The following AGBL4 variants were observed in gnomAD, a reference collection of about 807,000 sequenced individuals.
AGBL4 encodes the protein AGBL carboxypeptidase 4.
Under a neutral mutation model 66.4 loss-of-function variants are expected in AGBL4, and 58 were observed. The ratio of observed to expected loss-of-function variants is 0.87; its 90% CI spans 0.71 to 1.09. The LOEUF is 1.09. Ranked by LOEUF, AGBL4 falls within the 50% of genes least tolerant of loss-of-function variation. The pLI, the probability that AGBL4 is intolerant of heterozygous loss-of-function variation, is 0.00. For missense variants in AGBL4, 579 were observed against 631.0 expected, an observed-to-expected ratio of 0.92 and a Z score of 0.88; for synonymous variants, 234 against 222.9, an observed-to-expected ratio of 1.05 and a Z score of -0.44.
chr1:49,111,262 G>T (rs1004395755), intron 4 of AGBL4, among the ~76,000 whole-genome samples: 2 of 152,042 alleles, frequency 1.3e-5, no homozygotes, highest in Non-Finnish European at 2.9e-5. Flanking sequence ...ACAGGCGCCT[G>T]CCACCACGCC....
intron 3 of AGBL4, among the ~76,000 whole-genome samples, chr1:49,632,763 T>C (rs537557739): frequency 6.6e-6 from 1 of 152,254 alleles, no homozygotes; most frequent in South Asian, 2.1e-4. Flanking sequence ...ACATCCTCTA[T>C]GGGTGAGCAA....
intron 3 of AGBL4, among the ~76,000 whole-genome samples, chr1:49,643,502 C>CA (rs150301050): frequency 0.039 from 5,877 of 150,264 alleles, 205 homozygotes; most frequent in African/African-American, 0.097. Flanking sequence ...ATTCCAACCA[C>CA]AAAAAAAACA....
chr1:48,875,274 T>G (rs571180187), intron 5 of AGBL4, among the ~76,000 whole-genome samples: 1 of 152,170 alleles, frequency 6.6e-6, no homozygotes, highest in Non-Finnish European at 1.5e-5. Context: ...CTGACTGATA[T>G]CTGGATGCCA....
At chr1:48,863,005 A>G (rs936198788) in intron 6 of AGBL4, among the ~76,000 whole-genome samples, 1 of 152,196 alleles carries the variant, frequency 6.6e-6, no homozygotes, top group Non-Finnish European at 1.5e-5. Context: ...TTGATATACA[A>G]TAAACAAAAG....
At chr1:49,534,249 T>G (rs1366780615) in intron 3 of AGBL4, among the ~76,000 whole-genome samples, 1 of 145,196 alleles carries the variant, frequency 6.9e-6, no homozygotes, top group Non-Finnish European at 1.5e-5. Flanking sequence ...TGCCACAATA[T>G]GGCTAAAATA....
chr1:49,369,117 A>G (rs893158949), intron 3 of AGBL4, among the ~76,000 whole-genome samples: 5 of 152,132 alleles, frequency 3.3e-5, no homozygotes, highest in African/African-American at 1.2e-4. Flanking sequence ...TGAGGTTAAG[A>G]GATGATAAGT....
At chr1:48,759,470 T>TA in intron 6 of AGBL4, 1 of 1,180,648 alleles carries the variant, frequency 8.5e-7, no homozygotes, top group Non-Finnish European at 1.1e-6. Flanking sequence ...ATAAATTTTA[T>TA]AAATGGGGTT....
intron 1 of AGBL4, among the ~76,000 whole-genome samples, chr1:49,931,872 T>C (rs556943250): frequency 6.6e-6 from 1 of 152,296 alleles, no homozygotes; most frequent in African/African-American, 2.4e-5. Context: ...AGATATATTA[T>C]GAATTCACAG....
At chr1:48,677,247 T>A (rs568515418) in intron 6 of AGBL4, among the ~76,000 whole-genome samples, 5 of 152,188 alleles carry the variant, frequency 3.3e-5, no homozygotes, top group African/African-American at 2.4e-5. Flanking sequence ...ACCAATATAA[T>A]AGACGTGCAG....
intron 6 of AGBL4, among the ~76,000 whole-genome samples, chr1:48,672,292 C>T (rs1646288783): frequency 6.6e-6 from 1 of 152,182 alleles, no homozygotes; most frequent in African/African-American, 2.4e-5. Context: ...GGAATGAATC[C>T]TTCTTTTAGT....
intron 3 of AGBL4, among the ~76,000 whole-genome samples, chr1:49,599,031 T>C (rs896125795): frequency 6.6e-6 from 1 of 152,186 alleles, no homozygotes; most frequent in Admixed American, 6.5e-5. Context: ...TTTCGCATCA[T>C]TGTTGATCAG....
chr1:49,546,809 T>G (rs996956647), intron 3 of AGBL4, among the ~76,000 whole-genome samples: 1 of 152,212 alleles, frequency 6.6e-6, no homozygotes, highest in African/African-American at 2.4e-5. Flanking sequence ...ATATCTTTTT[T>G]TGAGAACTGT....
chr1:49,880,847 G>A (rs937130867), intron 1 of AGBL4, among the ~76,000 whole-genome samples: 5 of 152,038 alleles, frequency 3.3e-5, no homozygotes, highest in Non-Finnish European at 7.4e-5. Flanking sequence ...GCCAGGTGTG[G>A]GATATAGTCT....
Position 49,616,915 on chromosome 1 carries a change from C to T in AGBL4, c.282+80398G>A, listed in dbSNP as rs568684074. 6.6e-5 allele frequency among the ~76,000 whole-genome samples: 10 copies of T among 152,294 alleles called. No homozygotes were observed. The South Asian group carries it at 1.9e-3, about 28-fold the overall frequency. On this transcript the variant is annotated intron_variant, in intron 3 of 13. Transcript: ENST00000371839. ...CACTGGTACTATCCGGTTCAAACCA[C>T]CATAATCTCTTGTCAGGATTATTTC...
intron 3 of AGBL4, among the ~76,000 whole-genome samples, chr1:49,290,528 A>G (rs1309844452): frequency 6.6e-6 from 1 of 152,232 alleles, no homozygotes; most frequent in Non-Finnish European, 1.5e-5. Flanking sequence ...GCAAAATGGC[A>G]TGGTTTATAA....
At chr1:49,139,725 T>G (rs748552143) in intron 4 of AGBL4, among the ~76,000 whole-genome samples, 1 of 152,172 alleles carries the variant, frequency 6.6e-6, no homozygotes, top group Non-Finnish European at 1.5e-5. Context: ...TCCTATCCCA[T>G]AGGATTATTA....
At chr1:49,278,752 G>A (rs1230449400) in intron 3 of AGBL4, among the ~76,000 whole-genome samples, 2 of 151,932 alleles carry the variant, frequency 1.3e-5, no homozygotes, top group Non-Finnish European at 2.9e-5. Flanking sequence ...CAGATGGACT[G>A]AAGAAGGAAT....
chr1:49,152,124 T>C (rs1285162015), intron 4 of AGBL4, among the ~76,000 whole-genome samples: 3 of 152,192 alleles, frequency 2.0e-5, no homozygotes, highest in Non-Finnish European at 2.9e-5. Flanking sequence ...CATTCCCACT[T>C]AATGAAAAGT....
At chr1:49,565,680 G>C (rs1040393491) in intron 3 of AGBL4, among the ~76,000 whole-genome samples, 2 of 152,182 alleles carry the variant, frequency 1.3e-5, no homozygotes, top group Non-Finnish European at 2.9e-5. Flanking sequence ...TCCGCTGTTA[G>C]TCTGATGGGC....
Sources: allele counts gnomAD v4.1 joint callset (sites outside exome capture counted in the v4.1 genomes callset), GRCh38; gene constraint gnomAD v4.1.1; transcripts MANE v1.5; gene names NCBI Gene and HGNC (gene_info 2026-07-23, HGNC 2026-07-21).